NRXN3: variants seen among roughly 807,000 people sequenced by gnomAD.
The protein encoded by NRXN3 is neurexin III.
Under a neutral mutation model 137.6 loss-of-function variants are expected in NRXN3, and 32 were observed. The observed-to-expected ratio is 0.23, with a 90% CI of 0.18 to 0.31. The LOEUF (loss-of-function observed/expected upper bound fraction) is 0.31, where lower values mean the gene tolerates loss of function less well. Among genes scored for constraint, NRXN3 ranks in the 10% least tolerant of loss-of-function variants. NRXN3 has a pLI of 1.00. For synonymous variants in NRXN3, 798 were observed against 784.5 expected (o/e 1.02, Z -0.29); for missense variants, 1,574 against 2,062.5 (o/e 0.76, Z 4.59).
At chr14:78,823,705 A>G (rs776524822) in intron 10 of NRXN3, among the ~76,000 whole-genome samples, 1 of 152,322 alleles carries the variant, frequency 6.6e-6, no homozygotes, top group South Asian at 2.1e-4. Flanking sequence ...GGTAAAGGGA[A>G]CAGGAATTTA....
chr14:78,566,182 T>C (rs1049169959), intron 4 of NRXN3, among the ~76,000 whole-genome samples: 4 of 151,742 alleles, frequency 2.6e-5, no homozygotes, highest in African/African-American at 7.3e-5. Flanking sequence ...AAAAAGACTC[T>C]CTAAAAACAG....
intron 19 of NRXN3, among the ~76,000 whole-genome samples, chr14:79,774,710 T>G (rs1427226720): frequency 6.6e-6 from 1 of 152,178 alleles, no homozygotes; most frequent in East Asian, 1.9e-4. Context: ...ATGGAAATAA[T>G]AGTGCACATG....
At chr14:79,540,551 C>T (rs2097262915) in intron 16 of NRXN3, among the ~76,000 whole-genome samples, 1 of 152,150 alleles carries the variant, frequency 6.6e-6, no homozygotes, top group South Asian at 2.1e-4. Flanking sequence ...TAACTTTGTA[C>T]CTGTTGACCA....
intron 16 of NRXN3, among the ~76,000 whole-genome samples, chr14:79,639,083 C>T (rs1370927433): frequency 2.0e-5 from 3 of 152,116 alleles, no homozygotes; most frequent in African/African-American, 7.2e-5. Context: ...ATTACTCCCA[C>T]CCTCTCCGTC....
intron 10 of NRXN3, among the ~76,000 whole-genome samples, chr14:78,927,009 G>A (rs2152849782): frequency 1.0e-5 from 1 of 99,820 alleles, no homozygotes; most frequent in African/African-American, 3.7e-5. Flanking sequence ...ATATATATAT[G>A]CCAAATGTGG....
At chr14:78,506,989 G>A (rs923940542) in intron 4 of NRXN3, among the ~76,000 whole-genome samples, 2 of 151,970 alleles carry the variant, frequency 1.3e-5, no homozygotes, top group African/African-American at 4.8e-5. Context: ...TTGAGTTGTA[G>A]GCATTCCTTA....
chr14:79,772,810 C>T (rs927210725), intron 19 of NRXN3, among the ~76,000 whole-genome samples: 3 of 152,058 alleles, frequency 2.0e-5, no homozygotes, highest in Admixed American at 2.0e-4. Context: ...TTCTGCACAG[C>T]AGAAGAAACT....
At chr14:79,435,698 G>A (rs1290760868) in intron 15 of NRXN3, among the ~76,000 whole-genome samples, 1 of 151,810 alleles carries the variant, frequency 6.6e-6, no homozygotes, top group African/African-American at 2.4e-5. Flanking sequence ...GCAGTGGCAT[G>A]ATCATAGCTC....
chr14:78,545,406 T>G (rs1459602783), intron 4 of NRXN3, among the ~76,000 whole-genome samples: 4 of 152,232 alleles, frequency 2.6e-5, no homozygotes, highest in Non-Finnish European at 5.9e-5. Flanking sequence ...CATTTTTGTT[T>G]GATGTCTCCC....
chr14:78,979,335 G>A (rs543230259), intron 14 of NRXN3, among the ~76,000 whole-genome samples: 1 of 152,166 alleles, frequency 6.6e-6, no homozygotes, highest in South Asian at 2.1e-4. Context: ...CGAGACTATA[G>A]ATTGCTCAGG....
chr14:79,668,716 G>T (rs12891016), intron 17 of NRXN3, among the ~76,000 whole-genome samples: 8,721 of 152,086 alleles, frequency 0.057, 362 homozygotes, highest in Admixed American at 0.1. Context: ...AGGGGGCGGG[G>T]TACTGTTTTG....
chr14:79,166,036 C>A (rs1056946838), intron 15 of NRXN3, among the ~76,000 whole-genome samples: 10 of 152,008 alleles, frequency 6.6e-5, no homozygotes, highest in Non-Finnish European at 1.5e-4. Context: ...ATTAAAAACG[C>A]ATGCCCTTCT....
intron 10 of NRXN3, among the ~76,000 whole-genome samples, chr14:78,952,203 C>A (rs1358931369): frequency 6.6e-6 from 1 of 151,552 alleles, no homozygotes; most frequent in South Asian, 2.1e-4. Context: ...TTCTGCCAAA[C>A]GGGCTCTAAA....
At chr14:78,803,522 T>C (rs1233041320) in intron 8 of NRXN3, 98 bp from the exon 9 acceptor site, 8 of 1,080,520 alleles carry the variant, frequency 7.4e-6, no homozygotes, top group South Asian at 2.5e-5. Flanking sequence ...AGGCTACAAA[T>C]CTGGCACCCT....
chr14:78,995,716 C>T (rs1439242565), intron 15 of NRXN3, among the ~76,000 whole-genome samples: 3 of 151,980 alleles, frequency 2.0e-5, no homozygotes, highest in Non-Finnish European at 4.4e-5. Context: ...AACACTCATG[C>T]AAATATAGAA....
intron 3 of NRXN3, among the ~76,000 whole-genome samples, chr14:78,295,283 A>G (rs1382902393): frequency 6.6e-6 from 1 of 152,204 alleles, no homozygotes; most frequent in Non-Finnish European, 1.5e-5. Context: ...TATTGGCTAT[A>G]AAACCAAAGT....
intron 4 of NRXN3, among the ~76,000 whole-genome samples, chr14:78,380,997 C>T (rs536570519): frequency 6.6e-6 from 1 of 152,160 alleles, no homozygotes; most frequent in East Asian, 1.9e-4. Context: ...GATATGGCCA[C>T]ACGAATATGC....
In NRXN3 at chr14:79,042,170, A is replaced by T. The variant is rs1192223878; in HGVS notation, c.3262+54029A>T. Among the ~76,000 whole-genome samples, 5 of 152,194 alleles carry T rather than the reference A, an allele frequency of 3.3e-5. No homozygotes were observed. In the East Asian group the frequency reaches 7.7e-4, roughly 23 times the overall value. On this transcript the variant is annotated intron_variant, in intron 15 of 20. Coordinates refer to ENST00000335750, the MANE Select transcript of NRXN3 (RefSeq NM_001330195.2). ...GCTCTTTGAAAGACAAGCAACTGTGATGGGGACCTGTCAGTCTTCCTTACA... is the reference window on the plus strand; with the variant it reads ...GCTCTTTGAAAGACAAGCAACTGTGTTGGGGACCTGTCAGTCTTCCTTACA...
chr14:78,327,566 A>G (rs903074505), intron 4 of NRXN3, among the ~76,000 whole-genome samples: 7 of 152,182 alleles, frequency 4.6e-5, no homozygotes, highest in Non-Finnish European at 1.0e-4. Flanking sequence ...CTTCAACTAT[A>G]AGGGATTTTT....
Sources: allele counts gnomAD v4.1 joint callset (sites outside exome capture counted in the v4.1 genomes callset), GRCh38; gene constraint gnomAD v4.1.1; transcripts MANE v1.5; gene names NCBI Gene and HGNC (gene_info 2026-07-23, HGNC 2026-07-21).